Variants in MED13L observed in about 807,000 individuals in gnomAD.
MED13L encodes the protein mediator complex subunit 13L.
In MED13L, 7 loss-of-function variants were observed where a neutral mutation model predicts 220.9. That is an observed-to-expected ratio of 0.03 (90% CI 0.02 to 0.06). The LOEUF is 0.06. Among genes scored for constraint, MED13L ranks in the 10% least tolerant of loss-of-function variants. The pLI, the probability that MED13L is intolerant of heterozygous loss-of-function variation, is 1.00. For synonymous variants in MED13L, 1,011 were observed against 1,015.2 expected, an observed-to-expected ratio of 1.00 and a Z score of 0.08; for missense variants, 1,965 against 2,760.5, an observed-to-expected ratio of 0.71 and a Z score of 6.46.
At chr12:116,085,754 T>TCTCA (rs1871617354) in intron 4 of MED13L, among the ~76,000 whole-genome samples, 1 of 147,018 alleles carries the variant, frequency 6.8e-6, no homozygotes, top group African/African-American at 2.5e-5. Context: ...TTAAAATCAC[T>TCTCA]CACACACACA....
In MED13L at chr12:116,131,639, A is replaced by G. The variant is rs961558577; in HGVS notation, c.311-20127T>C. ...AGAACCTTCACATTTATGTATATAC[A>G]TATGTTTTTGTGTGCATGTATCATT... On this transcript the variant is annotated intron_variant, in intron 2 of 30. Transcript: ENST00000281928. 3.3e-5 allele frequency among the ~76,000 whole-genome samples: 5 copies of G among 152,178 alleles called. No individual in the cohort carries two copies. The South Asian group carries it at 6.2e-4, about 19-fold the overall frequency.
At position 115,984,361 on chromosome 12, in the gene MED13L, A is replaced by G; in HGVS notation, c.4350T>C (p.Leu1450=). ...DLSAVYEMCR[L]GQHKPICKVL... ...CTTTGCAGATGGGCTTGTGCTGCCC[A>G]AGCCTACACATCTGATATCATAGAC... The change falls in exon 20 of 31, where the codon CTT becomes CTC. Residue 1450 remains leucine (L), a synonymous_variant. Coordinates refer to ENST00000281928, the MANE Select transcript of MED13L (RefSeq NM_015335.5). The G allele has an allele frequency of 6.2e-7, 1 of 1,614,060 alleles. No homozygotes were observed. The highest frequency in any genetic ancestry group is 8.5e-7 in the Non-Finnish European group (1 of 1,179,980).
At chr12:116,090,248 G>C (rs1872077464) in intron 4 of MED13L, among the ~76,000 whole-genome samples, 1 of 152,122 alleles carries the variant, frequency 6.6e-6, no homozygotes, top group African/African-American at 2.4e-5. Flanking sequence ...TGAATAGGTG[G>C]TCACCTCTGT....
chr12:116,011,905 C>G (rs954473311), intron 9 of MED13L, among the ~76,000 whole-genome samples: 2 of 152,210 alleles, frequency 1.3e-5, no homozygotes, highest in Admixed American at 1.3e-4. Context: ...TGCATATATG[C>G]AGGGGGCGTA....
At chr12:116,166,997 C>T (rs1879328742) in intron 2 of MED13L, among the ~76,000 whole-genome samples, 1 of 152,116 alleles carries the variant, frequency 6.6e-6, no homozygotes, top group Non-Finnish European at 1.5e-5. Flanking sequence ...CCTTTGACTT[C>T]AAGTATGAAG....
At position 115,966,065 on chromosome 12, in the gene MED13L, T is replaced by C; in HGVS notation, c.6387+17A>G. Reference sequence around the variant, plus strand: ...TCACTCATTCCTTGCAAACTTCTAATATGACACCAAACCAACCTTTAAGAA... The same window carrying C: ...TCACTCATTCCTTGCAAACTTCTAACATGACACCAAACCAACCTTTAAGAA... On this transcript the variant is annotated intron_variant, in intron 29 of 30. Transcript: ENST00000281928. 1 of 1,613,824 alleles carries C rather than the reference T, an allele frequency of 6.2e-7. No individual in the cohort carries two copies. The highest frequency in any genetic ancestry group is 8.5e-7 in the Non-Finnish European group (1 of 1,179,748).
At chr12:115,993,552 TAAA>T (rs199767263) in intron 16 of MED13L, among the ~76,000 whole-genome samples, 1 of 141,166 alleles carries the variant, frequency 7.1e-6, no homozygotes, top group Admixed American at 7.1e-5. Context: ...TGAGTACAGA[TAAA>T]AAAAAAAAAA....
At chr12:116,065,096 A>G (rs1356710336) in intron 4 of MED13L, among the ~76,000 whole-genome samples, 1 of 152,228 alleles carries the variant, frequency 6.6e-6, no homozygotes, top group Non-Finnish European at 1.5e-5. Flanking sequence ...AGGGAAAATC[A>G]AATGTCCCAG....
intron 2 of MED13L, chr12:116,236,983 C>T (rs1870139861): frequency 2.3e-6 from 1 of 443,956 alleles, no homozygotes; most frequent in African/African-American, 2.1e-5. Context: ...TTCATCTTTC[C>T]TCAAAATACT....
At chr12:116,102,710 C>CTTTTT (rs869201518) in intron 3 of MED13L, among the ~76,000 whole-genome samples, 214 of 68,618 alleles carry the variant, frequency 3.1e-3, no homozygotes, top group Non-Finnish European at 3.6e-3. Flanking sequence ...TTTCTTTTTT[C>CTTTTT]TTTTTTTTTT....
At chr12:116,260,360 T>C (rs1011897739) in intron 1 of MED13L, among the ~76,000 whole-genome samples, 2 of 152,094 alleles carry the variant, frequency 1.3e-5, no homozygotes, top group Non-Finnish European at 1.5e-5. Context: ...CATATGTCCA[T>C]TTTAGCGCTT....
At chr12:116,114,242 G>A (rs1451133082) in intron 2 of MED13L, among the ~76,000 whole-genome samples, 1 of 152,166 alleles carries the variant, frequency 6.6e-6, no homozygotes, top group East Asian at 1.9e-4. Context: ...GACCTTGTCA[G>A]AGGATGTCAA....
intron 4 of MED13L, among the ~76,000 whole-genome samples, chr12:116,037,636 G>T (rs1435522896): frequency 6.6e-6 from 1 of 152,078 alleles, no homozygotes; most frequent in African/African-American, 2.4e-5. Context: ...TTTGACACTT[G>T]GGTAGTGCGT....
intron 2 of MED13L, among the ~76,000 whole-genome samples, chr12:116,196,643 T>C (rs1026252362): frequency 2.6e-5 from 4 of 152,310 alleles, no homozygotes; most frequent in Admixed American, 6.5e-5. Flanking sequence ...ATTTATTCAA[T>C]CAGAAGTATC....
chr12:116,044,540 A>C (rs1374028717), intron 4 of MED13L, among the ~76,000 whole-genome samples: 1 of 152,212 alleles, frequency 6.6e-6, no homozygotes, highest in Non-Finnish European at 1.5e-5. Context: ...ACTCCTAAGA[A>C]CACACAACAG....
chr12:115,969,110 G>C lies in MED13L; in HGVS notation c.6068-13C>G, dbSNP rs752181605. ...ACAAACATATCATCTAGAGGGAAGG[G>C]GGGAAAAAAAGCACAAAAATTAAAA... On this transcript the variant is annotated splice_polypyrimidine_tract_variant and intron_variant, in intron 27 of 30. Transcript: ENST00000281928. 24 of 1,612,752 alleles carry C rather than the reference G, an allele frequency of 1.5e-5. No homozygotes were observed. In the African/African-American group the frequency reaches 2.9e-4, roughly 20 times the overall value.
intron 2 of MED13L, among the ~76,000 whole-genome samples, chr12:116,140,927 C>T (rs1280661823): frequency 6.6e-6 from 1 of 152,146 alleles, no homozygotes; most frequent in African/African-American, 2.4e-5. Flanking sequence ...AATTCCTTGT[C>T]CAAAGGGGCA....
intron 1 of MED13L, among the ~76,000 whole-genome samples, chr12:116,264,509 T>C (rs1351802839): frequency 6.6e-6 from 1 of 152,234 alleles, no homozygotes; most frequent in Non-Finnish European, 1.5e-5. Context: ...GCTCACTACT[T>C]TTAATCCTTG....
chr12:116,088,874 T>C (rs150889895), intron 4 of MED13L, among the ~76,000 whole-genome samples: 1 of 151,852 alleles, frequency 6.6e-6, no homozygotes, highest in African/African-American at 2.4e-5. Flanking sequence ...CCACACTATA[T>C]CATTGTTCAG....
Sources: allele counts gnomAD v4.1 joint callset (sites outside exome capture counted in the v4.1 genomes callset), GRCh38; gene constraint gnomAD v4.1.1; transcripts MANE v1.5; gene names NCBI Gene and HGNC (gene_info 2026-07-23, HGNC 2026-07-21).